CYP4F22: variants seen among roughly 807,000 people sequenced by gnomAD.
CYP4F22 encodes the protein cytochrome P450 family 4 subfamily F member 22.
CYP4F22 carries 37 observed loss-of-function variants against 60.4 expected under a neutral mutation model. The observed-to-expected ratio is 0.61, with a 90% CI of 0.47 to 0.81. The LOEUF (loss-of-function observed/expected upper bound fraction) is 0.81. Ranked by LOEUF, CYP4F22 falls within the 30% of genes least tolerant of loss-of-function variation. The probability of loss-of-function intolerance (pLI) is 0.00; values close to 1 mark genes in which losing one functional copy is unlikely to be tolerated. For synonymous variants in CYP4F22, 258 were observed against 280.5 expected (o/e 0.92, Z 0.80); for missense variants, 655 against 715.0 (o/e 0.92, Z 0.96).
chr19:15,537,854 C>T lies in CYP4F22; in HGVS notation c.550-18C>T. Reference sequence around the variant, plus strand: ...CTCTGTGGTTTCCATGCACAGTCACCATGTATCTCTCTTCCAGGCTAAATG... The same window carrying T: ...CTCTGTGGTTTCCATGCACAGTCACTATGTATCTCTCTTCCAGGCTAAATG... On this transcript the variant is annotated intron_variant, in intron 6 of 13. Coordinates refer to ENST00000269703, the MANE Select transcript of CYP4F22 (RefSeq NM_173483.4). 1 of 1,613,212 alleles carries T rather than the reference C, an allele frequency of 6.2e-7. No homozygotes were observed. Among genetic ancestry groups the T allele is most frequent in the Middle Eastern group, 1.8e-4 (1 of 5,406 alleles).
chr19:15,551,093 T>C (rs1297623647), intron 13 of CYP4F22, among the ~76,000 whole-genome samples: 1 of 152,172 alleles, frequency 6.6e-6, no homozygotes, highest in Non-Finnish European at 1.5e-5. Context: ...GAGGCTGTAC[T>C]GGGATTCAGA....
chr19:15,545,416 G>T (rs979096741), intron 10 of CYP4F22, among the ~76,000 whole-genome samples: 2 of 152,112 alleles, frequency 1.3e-5, no homozygotes, highest in South Asian at 4.2e-4. Context: ...GGGAGGCCGA[G>T]GGGGGTGGAT....
intron 1 of CYP4F22, chr19:15,515,454 G>T: frequency 1.1e-6 from 1 of 904,790 alleles, no homozygotes; most frequent in Non-Finnish European, 1.8e-6. Flanking sequence ...GCCAGGCACG[G>T]TGGCTCACGC....
chr19:15,550,259 C>CTCCA (rs1971578921), intron 12 of CYP4F22, among the ~76,000 whole-genome samples: 1 of 152,066 alleles, frequency 6.6e-6, no homozygotes. Context: ...CGCTTCTGCA[C>CTCCA]TCCAGCCTGA....
At chr19:15,510,606 A>T (rs575321123) in intron 1 of CYP4F22, among the ~76,000 whole-genome samples, 2 of 152,206 alleles carry the variant, frequency 1.3e-5, no homozygotes, top group African/African-American at 4.8e-5. Flanking sequence ...CAACCCTGCA[A>T]TGGTCTAGAT....
intron 10 of CYP4F22, among the ~76,000 whole-genome samples, chr19:15,546,703 A>T (rs2144543122): frequency 6.6e-6 from 1 of 152,304 alleles, no homozygotes; most frequent in Non-Finnish European, 1.5e-5. Flanking sequence ...AGTAAATGAT[A>T]TTATAAGGAG....
At chr19:15,536,927 G>A (rs1016028931) in intron 4 of CYP4F22, among the ~76,000 whole-genome samples, 1 of 152,142 alleles carries the variant, frequency 6.6e-6, no homozygotes, top group African/African-American at 2.4e-5. Context: ...TGTGGAGGAC[G>A]GACTGGGTGA....
chr19:15,519,757 G>C (rs1971199437), intron 1 of CYP4F22, among the ~76,000 whole-genome samples: 1 of 152,102 alleles, frequency 6.6e-6, no homozygotes, highest in Non-Finnish European at 1.5e-5. Context: ...GGGTGGATGT[G>C]ATGATTCATG....
intron 3 of CYP4F22, 90 bp downstream of exon 3, chr19:15,525,648 C>A: frequency 7.8e-7 from 1 of 1,284,800 alleles, no homozygotes; most frequent in South Asian, 1.3e-5. Context: ...CTTCCCACAG[C>A]CTCCCAAGAA....
intron 12 of CYP4F22, 119 bp downstream of exon 12, chr19:15,549,321 T>G: frequency 1.0e-6 from 1 of 956,216 alleles, no homozygotes; most frequent in Non-Finnish European, 1.7e-6. Flanking sequence ...CACTCCGCAT[T>G]TAGCCATTTA....
rs145733350 is a variant in CYP4F22 at position 15,529,726 on chromosome 19, G to A, written c.240G>A (p.Ala80=). The A allele has an allele frequency of 4.5e-5, 72 of 1,613,970 alleles. No homozygotes were observed. In the East Asian group the frequency reaches 5.6e-4, roughly 12 times the overall value. The change falls in exon 4 of 14, where the codon GCG becomes GCA. Residue 80 remains alanine, a synonymous_variant. Transcript: ENST00000269703. ...TCTTGCAGTACCTTCCAAATGAGGC[G>A]GGCCTTCAAGATGAGAAGAAGGTAC... ...GHLGMYLPNE[A]GLQDEKKVLD...
chr19:15,550,528 T>C (rs576444882), intron 12 of CYP4F22, 146 bp from the exon 13 acceptor site: 15 of 758,752 alleles, frequency 2.0e-5, no homozygotes, highest in South Asian at 1.4e-4. Flanking sequence ...TGTGGCTGCA[T>C]TGCAGGAAGT....
At chr19:15,541,209 A>G (rs1241575674) in intron 8 of CYP4F22, among the ~76,000 whole-genome samples, 1 of 152,244 alleles carries the variant, frequency 6.6e-6, no homozygotes, top group East Asian at 1.9e-4. Flanking sequence ...ACCACAAACT[A>G]AATGGCCTAA....
chr19:15,545,057 G>A (rs1971505206), intron 10 of CYP4F22, among the ~76,000 whole-genome samples: 2 of 151,070 alleles, frequency 1.3e-5, no homozygotes, highest in Admixed American at 1.3e-4. Flanking sequence ...GTGAAACTCT[G>A]TCCCCACCCC....
chr19:15,544,122 C>T (rs1366245573), intron 9 of CYP4F22, 28 bp from the exon 10 acceptor site: 7 of 1,614,024 alleles, frequency 4.3e-6, no homozygotes, highest in Non-Finnish European at 5.9e-6. Context: ...CAGGCAGCCT[C>T]CATTCAGATA....
At chr19:15,510,682 A>G (rs758495563) in intron 1 of CYP4F22, among the ~76,000 whole-genome samples, 3 of 152,052 alleles carry the variant, frequency 2.0e-5, no homozygotes, top group African/African-American at 4.8e-5. Context: ...TTATTAGCAA[A>G]AGGTTTGAAT....
intron 1 of CYP4F22, among the ~76,000 whole-genome samples, chr19:15,518,498 A>AAAAT (rs573785830): frequency 4.7e-5 from 7 of 149,732 alleles, no homozygotes; most frequent in African/African-American, 7.4e-5. Flanking sequence ...AAAAAAAAAA[A>AAAAT]ATTACCTGGG....
chr19:15,510,966 A>ATATATATATATATATTTTT (rs34055543), intron 1 of CYP4F22, among the ~76,000 whole-genome samples: 1 of 103,308 alleles, frequency 9.7e-6, no homozygotes, highest in Non-Finnish European at 1.8e-5. Flanking sequence ...ATATATATAT[A>ATATATATATATATATTTTT]TTTTTTTTTT....
At position 15,551,792 on chromosome 19, in the gene CYP4F22, G is replaced by A. The variant is rs1180539557; in HGVS notation, c.*321G>A. The stretch of plus-strand genomic sequence containing the variant: ...CGCCCCCAGGATCCTACGGATTGAG[G>A]TCCTCAGGCCACGCCCCTGCAGATC... On this transcript the variant is annotated 3_prime_UTR_variant, in exon 14 of 14. Transcript: ENST00000269703. 4.4e-6 allele frequency: 2 copies of A among 458,838 alleles called. No homozygotes were observed. Among genetic ancestry groups the A allele is most frequent in the Non-Finnish European group, 8.0e-6 (2 of 251,528 alleles). The allele number at this position is 458,838 out of a possible 1,614,324, so 28.4% of individuals were successfully genotyped here. A position where few individuals can be genotyped will look rare whatever the true frequency, so the allele number is the denominator to read the frequency against.
Sources: gnomAD v4.1 joint callset for allele counts (sites outside exome capture counted in the v4.1 genomes callset) on GRCh38, gnomAD v4.1.1 for gene constraint, MANE v1.5 for transcripts, NCBI Gene and HGNC (gene_info 2026-07-23, HGNC 2026-07-21) for gene names.